CSMD1: variants seen among roughly 807,000 people sequenced by gnomAD.
CSMD1 encodes the protein CUB and sushi domain-containing protein 1.
Under a neutral mutation model 417.5 loss-of-function variants are expected in CSMD1, and 213 were observed. That is an observed-to-expected ratio of 0.51 (90% CI 0.46 to 0.57). The LOEUF (loss-of-function observed/expected upper bound fraction) is 0.57, where lower values mean the gene tolerates loss of function less well. CSMD1 is among the 20% of genes least tolerant of loss of function. CSMD1 has a pLI of 0.00. For synonymous variants in CSMD1, 2,862 were observed against 1,736.8 expected, an observed-to-expected ratio of 1.65 and a Z score of -16.11; for missense variants, 6,923 against 4,529.7, an observed-to-expected ratio of 1.53 and a Z score of -15.17.
At chr8:4,724,757 T>G (rs897088899) in intron 1 of CSMD1, among the ~76,000 whole-genome samples, 2 of 152,272 alleles carry the variant, frequency 1.3e-5, no homozygotes, top group Non-Finnish European at 1.5e-5. Context: ...ATTTATCACG[T>G]TTTTTAAAAG....
intron 2 of CSMD1, among the ~76,000 whole-genome samples, chr8:4,441,315 GC>G (rs1193199699): frequency 5.0e-4 from 58 of 116,708 alleles, no homozygotes; most frequent in Non-Finnish European, 6.6e-4. Context: ...GTCTCACTCT[GC>G]CCCCTAGGCT....
At chr8:4,014,169 G>C (rs986088998) in intron 4 of CSMD1, among the ~76,000 whole-genome samples, 7 of 152,128 alleles carry the variant, frequency 4.6e-5, no homozygotes, top group Non-Finnish European at 8.8e-5. Context: ...CATAACATTA[G>C]AAATGCATTC....
At chr8:3,608,065 A>T (rs1169417527) in intron 8 of CSMD1, among the ~76,000 whole-genome samples, 1 of 151,972 alleles carries the variant, frequency 6.6e-6, no homozygotes, top group African/African-American at 2.4e-5. Flanking sequence ...CCATCTACTC[A>T]GGAGGCTGAG....
intron 3 of CSMD1, among the ~76,000 whole-genome samples, chr8:4,173,946 T>A (rs553922284): frequency 1.3e-5 from 2 of 152,168 alleles, no homozygotes; most frequent in African/African-American, 4.8e-5. Context: ...CCCTCAGCCT[T>A]GAAACAAAAA....
chr8:3,415,995 A>G (rs1413025889), intron 12 of CSMD1, among the ~76,000 whole-genome samples: 1 of 152,134 alleles, frequency 6.6e-6, no homozygotes, highest in Non-Finnish European at 1.5e-5. Context: ...ACACTTGTCA[A>G]TTCTTTTTAA....
chr8:4,869,169 A>G (rs7825700), intron 1 of CSMD1, among the ~76,000 whole-genome samples: 145,874 of 152,030 alleles, frequency 0.96, 70,141 homozygotes, highest in East Asian at 1. Flanking sequence ...CTAGTAATAA[A>G]TATGGCAATA....
intron 3 of CSMD1, among the ~76,000 whole-genome samples, chr8:4,050,302 A>G (rs564806967): frequency 6.6e-6 from 1 of 152,286 alleles, no homozygotes; most frequent in East Asian, 1.9e-4. Flanking sequence ...GAGCAGCAGA[A>G]CTTAAGGAAT....
intron 11 of CSMD1, among the ~76,000 whole-genome samples, chr8:3,491,944 G>C (rs554613129): frequency 1.3e-5 from 2 of 152,162 alleles, no homozygotes; most frequent in East Asian, 1.9e-4. Flanking sequence ...CCGGAGGCTT[G>C]CTCACAGCCC....
intron 3 of CSMD1, among the ~76,000 whole-genome samples, chr8:4,283,859 G>C (rs553418234): frequency 1.3e-5 from 2 of 152,134 alleles, no homozygotes. Context: ...AGTTTCATGT[G>C]CTGACCTCCA....
intron 12 of CSMD1, among the ~76,000 whole-genome samples, chr8:3,439,324 A>G (rs1349557594): frequency 1.8e-5 from 1 of 56,496 alleles, no homozygotes; most frequent in African/African-American, 6.9e-5. Context: ...TTTTTTTAAT[A>G]TGTATTTTTA....
At chr8:4,917,514 C>G (rs953965383) in intron 1 of CSMD1, among the ~76,000 whole-genome samples, 11 of 152,048 alleles carry the variant, frequency 7.2e-5, no homozygotes, top group East Asian at 1.9e-4. Context: ...GGTGCCTGTA[C>G]TCCCAGCTAC....
intron 4 of CSMD1, among the ~76,000 whole-genome samples, chr8:4,016,943 A>C (rs1343894307): frequency 6.6e-6 from 1 of 152,214 alleles, no homozygotes; most frequent in East Asian, 1.9e-4. Flanking sequence ...TCAAAAGATG[A>C]AACTCCTTAA....
intron 18 of CSMD1, chr8:3,373,216 G>A (rs182550687): frequency 6.6e-6 from 1 of 152,084 alleles, no homozygotes; most frequent in Non-Finnish European, 1.5e-5. Context: ...ATATCATCAG[G>A]AAAAGTTACT....
chr8:3,698,705 C>A (rs998867473), intron 7 of CSMD1, among the ~76,000 whole-genome samples: 4 of 152,148 alleles, frequency 2.6e-5, no homozygotes, highest in African/African-American at 4.8e-5. Flanking sequence ...TATTGTGAAG[C>A]AAAATGTGTT....
chr8:4,130,873 T>C (rs1482026756), intron 3 of CSMD1, among the ~76,000 whole-genome samples: 3 of 151,738 alleles, frequency 2.0e-5, no homozygotes, highest in Non-Finnish European at 4.4e-5. Context: ...GAAAGAGTGT[T>C]CATATGCTGA....
At chr8:4,320,906 T>C (rs925778402) in intron 3 of CSMD1, among the ~76,000 whole-genome samples, 7 of 152,300 alleles carry the variant, frequency 4.6e-5, no homozygotes, top group South Asian at 2.1e-4. Flanking sequence ...TTTTCACTTA[T>C]AGTATCTTCT....
chr8:3,551,290 T>TATAGA (rs1362427872), intron 10 of CSMD1, among the ~76,000 whole-genome samples: 3 of 152,204 alleles, frequency 2.0e-5, no homozygotes, highest in Non-Finnish European at 2.9e-5. Context: ...ACTACAGGAC[T>TATAGA]GTCATATCCA....
intron 23 of CSMD1, among the ~76,000 whole-genome samples, chr8:3,340,345 G>A (rs1585023762): frequency 6.6e-6 from 1 of 152,070 alleles, no homozygotes; most frequent in African/African-American, 2.4e-5. Context: ...AATATGAAGG[G>A]ATAAAGAAAT....
chr8:4,680,434 G>A (rs1805965528), intron 1 of CSMD1, among the ~76,000 whole-genome samples: 1 of 152,122 alleles, frequency 6.6e-6, no homozygotes, highest in African/African-American at 2.4e-5. Context: ...ACTACATTGA[G>A]TGACGTACCA....
Sources: allele counts gnomAD v4.1 joint callset (sites outside exome capture counted in the v4.1 genomes callset), GRCh38; gene constraint gnomAD v4.1.1; transcripts MANE v1.5; gene names NCBI Gene and HGNC (gene_info 2026-07-23, HGNC 2026-07-21).